The following TRPC7 variants were observed in gnomAD, a reference collection of about 807,000 sequenced individuals.
TRPC7 encodes transient receptor potential cation channel subfamily C member 7.
A neutral mutation model predicts 90.1 loss-of-function variants in TRPC7; 42 were observed. The observed-to-expected ratio is 0.47, with a 90% CI of 0.36 to 0.60. TRPC7 has a LOEUF of 0.60. TRPC7 is among the 20% of genes least tolerant of loss of function. The pLI is 0.00. For missense variants in TRPC7, 955 were observed against 1,112.3 expected (o/e 0.86, Z 2.01); for synonymous variants, 451 against 436.3 (o/e 1.03, Z -0.42).
chr5:136,316,487 G>A (rs1759031299), intron 2 of TRPC7, among the ~76,000 whole-genome samples: 1 of 152,110 alleles, frequency 6.6e-6, no homozygotes, highest in South Asian at 2.1e-4. Flanking sequence ...GGCAAATCAT[G>A]GCTCCTTAAA....
intron 3 of TRPC7, among the ~76,000 whole-genome samples, chr5:136,300,371 C>A (rs76963087): frequency 0.014 from 2,150 of 152,280 alleles, 24 homozygotes; most frequent in Middle Eastern, 0.034. Flanking sequence ...CTCCCGAGAC[C>A]CATTGTGGAG....
At chr5:136,339,926 A>G (rs922167014) in intron 2 of TRPC7, among the ~76,000 whole-genome samples, 4 of 152,064 alleles carry the variant, frequency 2.6e-5, no homozygotes, top group Non-Finnish European at 4.4e-5. Context: ...GGAATTAAAA[A>G]TAAAGCCATA....
At chr5:136,224,600 C>G (rs1755568057) in intron 10 of TRPC7, among the ~76,000 whole-genome samples, 1 of 152,186 alleles carries the variant, frequency 6.6e-6, no homozygotes, top group Non-Finnish European at 1.5e-5. Context: ...ATGCCTTGTA[C>G]CTGAATGACT....
intron 2 of TRPC7, among the ~76,000 whole-genome samples, chr5:136,321,445 ATT>A (rs1369155054): frequency 6.6e-6 from 1 of 152,202 alleles, no homozygotes; most frequent in Non-Finnish European, 1.5e-5. Context: ...GGAGAAAGCC[ATT>A]TAACTCTTAC....
rs907814768 is a variant in TRPC7, at chr5:136,293,932, C to A, written c.964-19095G>T. ...TAACCAAAACAGCATGATACTAGTA[C>A]CAAAACAGAGATATAGACCAATGGA... On this transcript the variant is annotated intron_variant, in intron 3 of 11. Coordinates refer to ENST00000513104, the MANE Select transcript of TRPC7 (RefSeq NM_020389.3). 3.9e-5 allele frequency among the ~76,000 whole-genome samples: 6 copies of A among 152,068 alleles called. No homozygotes were observed. The South Asian group carries it at 1.2e-3, about 32-fold the overall frequency.
chr5:136,313,947 A>C (rs1221098058), intron 3 of TRPC7, among the ~76,000 whole-genome samples: 1 of 152,204 alleles, frequency 6.6e-6, no homozygotes, highest in African/African-American at 2.4e-5. Flanking sequence ...AAAAGAGGAC[A>C]TATAGTTATC....
intron 3 of TRPC7, among the ~76,000 whole-genome samples, chr5:136,313,685 G>C (rs1758916743): frequency 1.3e-5 from 2 of 152,154 alleles, no homozygotes; most frequent in Non-Finnish European, 2.9e-5. Flanking sequence ...ATCCCTTGAA[G>C]GTCTTAGAAA....
intron 4 of TRPC7, among the ~76,000 whole-genome samples, chr5:136,272,905 A>T (rs779249763): frequency 2.0e-5 from 3 of 152,136 alleles, no homozygotes; most frequent in Non-Finnish European, 4.4e-5. Context: ...ACACTTTTTA[A>T]TGGGATCACA....
intron 2 of TRPC7, among the ~76,000 whole-genome samples, chr5:136,328,749 T>A (rs1191353969): frequency 6.6e-6 from 1 of 151,932 alleles, no homozygotes; most frequent in Non-Finnish European, 1.5e-5. Context: ...TGACCTAGAG[T>A]GTATAGGTTA....
chr5:136,245,817 G>C (rs933742460), intron 7 of TRPC7, among the ~76,000 whole-genome samples: 9 of 152,184 alleles, frequency 5.9e-5, no homozygotes, highest in African/African-American at 2.2e-4. Flanking sequence ...TATCCATAAA[G>C]GTATTTGTGA....
At chr5:136,357,479 G>T in intron 1 of TRPC7, 94 bp from the exon 2 acceptor site, 1 of 1,271,256 alleles carries the variant, frequency 7.9e-7, no homozygotes, top group African/African-American at 1.5e-5. Context: ...AGAATATCAT[G>T]CTTGGAATCT....
chr5:136,261,734 T>C (rs1434599805), intron 5 of TRPC7, among the ~76,000 whole-genome samples: 1 of 152,266 alleles, frequency 6.6e-6, no homozygotes, highest in Non-Finnish European at 1.5e-5. Context: ...CTCAGTTCTC[T>C]GCCCACATTC....
At chr5:136,276,924 G>A (rs1757382887) in intron 3 of TRPC7, among the ~76,000 whole-genome samples, 1 of 152,264 alleles carries the variant, frequency 6.6e-6, no homozygotes, top group African/African-American at 2.4e-5. Flanking sequence ...CCAGCCTTCT[G>A]TGGATACTGA....
At chr5:136,300,828 T>G (rs1189458097) in intron 3 of TRPC7, among the ~76,000 whole-genome samples, 2 of 152,216 alleles carry the variant, frequency 1.3e-5, no homozygotes, top group African/African-American at 4.8e-5. Context: ...ACCATCTATC[T>G]ATTCACTCCA....
intron 7 of TRPC7, among the ~76,000 whole-genome samples, chr5:136,234,491 G>A (rs1226806787): frequency 1.3e-5 from 2 of 151,948 alleles, no homozygotes; most frequent in Non-Finnish European, 2.9e-5. Flanking sequence ...TGTATTTTTA[G>A]TAGAGACGGG....
At chr5:136,359,762 C>T (rs1760509156) in intron 1 of TRPC7, among the ~76,000 whole-genome samples, 2 of 144,398 alleles carry the variant, frequency 1.4e-5, no homozygotes, top group Admixed American at 1.5e-4. Context: ...AGTTTCAAGG[C>T]CTGTCATCTG....
At chr5:136,320,995 A>AT (rs886557993) in intron 2 of TRPC7, among the ~76,000 whole-genome samples, 3 of 151,986 alleles carry the variant, frequency 2.0e-5, no homozygotes, top group African/African-American at 7.3e-5. Context: ...GAGGGCATGG[A>AT]TTTTTTTCTG....
intron 3 of TRPC7, among the ~76,000 whole-genome samples, chr5:136,306,383 A>G (rs933682415): frequency 2.8e-4 from 43 of 152,044 alleles, no homozygotes; most frequent in African/African-American, 9.7e-4. Context: ...ATCACCCTTT[A>G]CCACAAAATC....
rs74727854 is a variant in TRPC7, at chr5:136,349,531, T to C, written c.780+7077A>G. Among the ~76,000 whole-genome samples the C allele has an allele frequency of 6.1e-4, 93 of 152,316 alleles. 1 individual carries two copies. The South Asian group carries it at 0.011, about 17-fold the overall frequency. On this transcript the variant is annotated intron_variant, in intron 2 of 11. Transcript: ENST00000513104. ...CAGCTTCTCTGTAAGAAGTTATGTA[T>C]TTTTTATCTCATTTAATCCTCACCA...
Sources: allele counts gnomAD v4.1 joint callset (sites outside exome capture counted in the v4.1 genomes callset), GRCh38; gene constraint gnomAD v4.1.1; transcripts MANE v1.5; gene names NCBI Gene and HGNC (gene_info 2026-07-23, HGNC 2026-07-21).